Variants in PLD5 observed in about 807,000 individuals in gnomAD.
PLD5 encodes phospholipase D family member 5.
In PLD5, 36 loss-of-function variants were observed where a neutral mutation model predicts 61.1. The ratio of observed to expected loss-of-function variants is 0.59; its 90% CI spans 0.45 to 0.78. The LOEUF (loss-of-function observed/expected upper bound fraction) is 0.78, where lower values mean the gene tolerates loss of function less well. Ranked by LOEUF, PLD5 falls within the 30% of genes least tolerant of loss-of-function variation. The probability of loss-of-function intolerance (pLI) is 0.00; values close to 1 mark genes in which losing one functional copy is unlikely to be tolerated. For missense variants in PLD5, 515 were observed against 644.4 expected (o/e 0.80, Z 2.17); for synonymous variants, 243 against 242.8 (o/e 1.00, Z -0.01).
intron 7 of PLD5, among the ~76,000 whole-genome samples, chr1:242,109,120 A>G (rs1661284979): frequency 6.6e-6 from 1 of 152,176 alleles, no homozygotes; most frequent in African/African-American, 2.4e-5. Context: ...GCCTCCAGTC[A>G]TGTACTTCAT....
intron 4 of PLD5, among the ~76,000 whole-genome samples, chr1:242,220,652 T>A (rs1670513916): frequency 6.6e-6 from 1 of 151,894 alleles, no homozygotes; most frequent in South Asian, 2.1e-4. Flanking sequence ...CCTTTATTAT[T>A]TAATCTGGGT....
intron 1 of PLD5, among the ~76,000 whole-genome samples, chr1:242,431,950 T>C (rs1449189723): frequency 2.6e-5 from 4 of 152,122 alleles, no homozygotes; most frequent in African/African-American, 7.2e-5. Context: ...GTCACAGGAA[T>C]CCTACAAGGG....
intron 2 of PLD5, among the ~76,000 whole-genome samples, chr1:242,307,602 C>G (rs1230919885): frequency 6.6e-6 from 1 of 152,092 alleles, no homozygotes; most frequent in Admixed American, 6.6e-5. Flanking sequence ...CTGGCGTGCT[C>G]AAACATCCCC....
intron 1 of PLD5, among the ~76,000 whole-genome samples, chr1:242,523,589 T>A (rs1029080273): frequency 1.3e-5 from 2 of 152,158 alleles, no homozygotes; most frequent in Non-Finnish European, 2.9e-5. Flanking sequence ...CAGCGGACAC[T>A]CTGCAAAAAA....
At chr1:242,232,812 C>T (rs1235041713) in intron 4 of PLD5, among the ~76,000 whole-genome samples, 1 of 152,056 alleles carries the variant, frequency 6.6e-6, no homozygotes, top group Non-Finnish European at 1.5e-5. Flanking sequence ...CACTGCACTC[C>T]AGCCTGCATG....
chr1:242,310,009 A>G (rs1676605137), intron 2 of PLD5, among the ~76,000 whole-genome samples: 1 of 151,396 alleles, frequency 6.6e-6, no homozygotes, highest in Admixed American at 6.6e-5. Flanking sequence ...CAGTCTTCAC[A>G]CTTAAATGCC....
At chr1:242,333,542 C>A (rs944338634) in intron 2 of PLD5, among the ~76,000 whole-genome samples, 1 of 151,996 alleles carries the variant, frequency 6.6e-6, no homozygotes, top group African/African-American at 2.4e-5. Context: ...GGACTGGTTA[C>A]GGGAAAGTTT....
intron 1 of PLD5, among the ~76,000 whole-genome samples, chr1:242,348,517 A>G (rs1660269287): frequency 6.6e-6 from 1 of 152,042 alleles, no homozygotes. Flanking sequence ...TCTTCTTCCT[A>G]CTCAAAAGCA....
chr1:242,475,580 A>G (rs1164882275), intron 1 of PLD5, among the ~76,000 whole-genome samples: 5 of 152,152 alleles, frequency 3.3e-5, no homozygotes, highest in Admixed American at 6.5e-5. Context: ...GAGCATCTTT[A>G]GCAGAGAAAA....
chr1:242,190,540 A>G (rs1231615267), intron 5 of PLD5, among the ~76,000 whole-genome samples: 1 of 151,894 alleles, frequency 6.6e-6, no homozygotes, highest in Non-Finnish European at 1.5e-5. Context: ...CGCATCACAA[A>G]CACTCATTCA....
At chr1:242,376,323 G>A (rs12134424) in intron 1 of PLD5, among the ~76,000 whole-genome samples, 7,949 of 152,214 alleles carry the variant, frequency 0.052, 282 homozygotes, top group Middle Eastern at 0.078. Context: ...ACCCTTCGGC[G>A]TGGCCTGAAG....
intron 4 of PLD5, among the ~76,000 whole-genome samples, chr1:242,238,500 C>T (rs1302335445): frequency 6.6e-6 from 1 of 152,174 alleles, no homozygotes; most frequent in Non-Finnish European, 1.5e-5. Flanking sequence ...CTATAAGGTG[C>T]AATGGAGAGT....
chr1:242,475,661 C>T (rs1376469433), intron 1 of PLD5, among the ~76,000 whole-genome samples: 1 of 152,176 alleles, frequency 6.6e-6, no homozygotes, highest in African/African-American at 2.4e-5. Context: ...CCCAGACCCC[C>T]ACCAAACCCC....
intron 5 of PLD5, among the ~76,000 whole-genome samples, chr1:242,165,013 C>T (rs902544259): frequency 2.0e-5 from 3 of 152,096 alleles, no homozygotes; most frequent in Non-Finnish European, 2.9e-5. Context: ...CTTACAAAAG[C>T]TTTTCCCTAA....
chr1:242,100,673 T>C lies in PLD5; in HGVS notation c.1349A>G (p.Tyr450Cys). 6.2e-7 allele frequency: 1 copy of C among 1,613,380 alleles called. No individual in the cohort carries two copies. The highest frequency in any genetic ancestry group is 8.5e-7 in the Non-Finnish European group (1 of 1,179,442). The change falls in exon 9 of 10, where the codon TAT (tyrosine) becomes TGT (cysteine). Residue 450 changes from tyrosine to cysteine, a missense_variant. Tyr to Cys is a radical substitution (Grantham distance 194). This residue lies in a region of PLD5 where 450 missense variants were observed against 598.1 expected (regional missense o/e 0.75). Coordinates refer to ENST00000536534, the MANE Select transcript of PLD5 (RefSeq NM_001372062.1). Reference protein sequence around the residue: ...NKYMVTDGAAYIGNFDWVGND... With the variant: ...NKYMVTDGAACIGNFDWVGND... ...TTCACAGCCCTGACACCTACCAATA[T>C]AAGCTGCTCCATCTGTCACCATGTA... is the stretch of plus-strand genomic sequence containing the variant.
At chr1:242,105,288 A>G (rs1660964613) in intron 8 of PLD5, among the ~76,000 whole-genome samples, 1 of 151,774 alleles carries the variant, frequency 6.6e-6, no homozygotes, top group Non-Finnish European at 1.5e-5. Context: ...CAGTGGTGCA[A>G]TCTCGGCTCA....
chr1:242,508,190 CCT>C (rs986088106), intron 1 of PLD5, among the ~76,000 whole-genome samples: 1 of 148,100 alleles, frequency 6.8e-6, no homozygotes, highest in African/African-American at 2.5e-5. Context: ...ATGGTGAAAC[CCT>C]GTCTCCACTA....
rs1271777415 is a variant in PLD5, at chr1:242,132,197, G to GC, written c.736-7533_736-7532insG. 2.0e-5 allele frequency among the ~76,000 whole-genome samples: 2 copies of GC among 97,868 alleles called. 1 individual carries two copies. Among genetic ancestry groups the GC allele is most frequent in the African/African-American group, 7.4e-5 (2 of 27,016 alleles). The allele number at this position is 97,868 out of a possible 152,430, so 64.2% of individuals were successfully genotyped here. A position where few individuals can be genotyped will look rare whatever the true frequency, so the allele number is the denominator to read the frequency against. Reference sequence around the variant, plus strand: ...CAAAGAGAATGCAGTGATTGCGGGGGGGGGGGGGGGCGGAATCATTTTTAG... The same window carrying GC: ...CAAAGAGAATGCAGTGATTGCGGGGGCGGGGGGGGGGCGGAATCATTTTTAG... On this transcript the variant is annotated intron_variant, in intron 5 of 9. Transcript: ENST00000536534.
At chr1:242,297,833 G>T in intron 2 of PLD5, among the ~76,000 whole-genome samples, 1 of 150,956 alleles carries the variant, frequency 6.6e-6, no homozygotes, top group African/African-American at 2.4e-5. Flanking sequence ...TAGAGACGGG[G>T]TTTCACCTTG....
Sources: allele counts gnomAD v4.1 joint callset (sites outside exome capture counted in the v4.1 genomes callset), GRCh38; gene constraint gnomAD v4.1.1; regional missense constraint gnomAD v4.1.1; transcripts MANE v1.5; gene names NCBI Gene and HGNC (gene_info 2026-07-23, HGNC 2026-07-21).